Variants in ATRNL1 observed in about 807,000 individuals in gnomAD.
ATRNL1 encodes attractin-like protein 1.
A neutral mutation model predicts 182.7 loss-of-function variants in ATRNL1; 95 were observed. That is an observed-to-expected ratio of 0.52 (90% confidence interval 0.44 to 0.62). The LOEUF (loss-of-function observed/expected upper bound fraction) is 0.62. Among genes scored for constraint, ATRNL1 ranks in the 20% least tolerant of loss-of-function variants. The probability of loss-of-function intolerance (pLI) is 0.00; values close to 1 mark genes in which losing one functional copy is unlikely to be tolerated. For missense variants in ATRNL1, 1,471 were observed against 1,679.5 expected (o/e 0.88, Z 2.17); for synonymous variants, 576 against 568.3 (o/e 1.01, Z -0.19).
At chr10:115,348,714 C>A (rs541965992) in intron 19 of ATRNL1, among the ~76,000 whole-genome samples, 143 of 152,088 alleles carry the variant, frequency 9.4e-4, no homozygotes, top group South Asian at 3.5e-3. Flanking sequence ...TGTGTGGGTG[C>A]TATTATAGTG....
chr10:115,727,187 T>C, intron 26 of ATRNL1, 61 bp from the exon 27 acceptor site: 1 of 1,151,856 alleles, frequency 8.7e-7, no homozygotes, highest in African/African-American at 1.5e-5. Flanking sequence ...GAACCAGATA[T>C]TGTTGAATTT....
intron 1 of ATRNL1, among the ~76,000 whole-genome samples, chr10:115,116,987 A>G (rs577587760): frequency 8.5e-5 from 13 of 152,116 alleles, no homozygotes; most frequent in Non-Finnish European, 1.6e-4. Flanking sequence ...GTTCCTTCAC[A>G]TCACTTATAA....
intron 5 of ATRNL1, among the ~76,000 whole-genome samples, chr10:115,133,710 A>G (rs1159564608): frequency 6.6e-6 from 1 of 152,232 alleles, no homozygotes; most frequent in East Asian, 1.9e-4. Context: ...ATAGACATCT[A>G]CAGAACTCTC....
intron 11 of ATRNL1, among the ~76,000 whole-genome samples, chr10:115,266,103 A>G (rs561259335): frequency 9.8e-4 from 149 of 151,964 alleles, no homozygotes; most frequent in African/African-American, 3.4e-3. Flanking sequence ...TAAAATAATA[A>G]AAGACATTCT....
intron 1 of ATRNL1, among the ~76,000 whole-genome samples, chr10:115,113,832 A>G (rs917967558): frequency 1.2e-4 from 19 of 152,234 alleles, no homozygotes; most frequent in African/African-American, 4.3e-4. Flanking sequence ...TTCAGTTGAT[A>G]ATGTAAACAA....
chr10:115,259,902 A>G (rs1851324668), intron 10 of ATRNL1, among the ~76,000 whole-genome samples: 1 of 152,180 alleles, frequency 6.6e-6, no homozygotes, highest in Non-Finnish European at 1.5e-5. Flanking sequence ...GGATTGTAAG[A>G]GTATAATTTT....
intron 27 of ATRNL1, among the ~76,000 whole-genome samples, chr10:115,799,529 A>C (rs560345540): frequency 7.2e-5 from 11 of 152,270 alleles, no homozygotes; most frequent in African/African-American, 2.6e-4. Flanking sequence ...AACATTCACC[A>C]ATTAACGAAG....
rs200458749 is a variant in ATRNL1, at chr10:115,829,624, C to CA, written c.3904-18246dup. 6.6e-4 allele frequency among the ~76,000 whole-genome samples: 101 copies of CA among 151,904 alleles called. No individual in the cohort carries two copies. In the East Asian group the frequency reaches 0.019, roughly 29 times the overall value. The stretch of plus-strand genomic sequence containing the variant: ...CCTGAGCTAGCATATACTTTTAAGC[C>CA]AAAAAAAGATATACCCTTTTCCAAG... On this transcript the variant is annotated intron_variant, in intron 27 of 28. Transcript: ENST00000355044.
chr10:115,787,237 T>C (rs1357653001), intron 27 of ATRNL1, among the ~76,000 whole-genome samples: 1 of 152,140 alleles, frequency 6.6e-6, no homozygotes, highest in Non-Finnish European at 1.5e-5. Flanking sequence ...AGGTCATTCT[T>C]TAAGAAAAGA....
intron 26 of ATRNL1, among the ~76,000 whole-genome samples, chr10:115,713,468 T>TTGTGTGTGTGTGTGTGTTC (rs1555055240): frequency 6.6e-6 from 1 of 151,718 alleles, no homozygotes; most frequent in African/African-American, 2.4e-5. Flanking sequence ...TGTGTGTGTT[T>TTGTGTGTGTGTGTGTGTTC]GTGTGTGTGT....
At chr10:115,214,499 A>G (rs1849156562) in intron 8 of ATRNL1, among the ~76,000 whole-genome samples, 1 of 151,944 alleles carries the variant, frequency 6.6e-6, no homozygotes. Flanking sequence ...GGATATTTCT[A>G]TTTTTTATGA....
At chr10:115,512,373 TA>T (rs1850427310) in intron 24 of ATRNL1, among the ~76,000 whole-genome samples, 1 of 151,886 alleles carries the variant, frequency 6.6e-6, no homozygotes, top group South Asian at 2.1e-4. Context: ...TAATGCCACC[TA>T]ATTGAGACAC....
intron 19 of ATRNL1, among the ~76,000 whole-genome samples, chr10:115,363,999 C>G (rs1198714613): frequency 6.6e-6 from 1 of 152,106 alleles, no homozygotes; most frequent in South Asian, 2.1e-4. Flanking sequence ...CTTGGTGATG[C>G]GGGCTCTTTT....
At chr10:115,485,235 G>T (rs1848962970) in intron 24 of ATRNL1, among the ~76,000 whole-genome samples, 1 of 151,852 alleles carries the variant, frequency 6.6e-6, no homozygotes, top group East Asian at 1.9e-4. Context: ...TGAAACCATA[G>T]TAGAATTTCC....
chr10:115,276,014 A>G (rs782330572), intron 13 of ATRNL1, among the ~76,000 whole-genome samples: 3 of 152,130 alleles, frequency 2.0e-5, no homozygotes, highest in Middle Eastern at 3.4e-3. Context: ...GCCTGATCCA[A>G]CTTTATGTTT....
At chr10:115,408,064 C>T (rs535299009) in intron 20 of ATRNL1, among the ~76,000 whole-genome samples, 32 of 136,466 alleles carry the variant, frequency 2.3e-4, no homozygotes, top group African/African-American at 8.6e-4. Flanking sequence ...ACTGCAGTGG[C>T]GCAATCTCGG....
At chr10:115,346,962 T>C (rs1161784426) in intron 19 of ATRNL1, among the ~76,000 whole-genome samples, 1 of 152,180 alleles carries the variant, frequency 6.6e-6, no homozygotes, top group African/African-American at 2.4e-5. Context: ...ATCACAATGA[T>C]TATTTTTTTG....
chr10:115,635,480 A>C (rs1409326890), intron 26 of ATRNL1, among the ~76,000 whole-genome samples: 2 of 152,176 alleles, frequency 1.3e-5, no homozygotes, highest in South Asian at 4.1e-4. Flanking sequence ...GAAAAAGACA[A>C]TACAAGATTT....
chr10:115,765,300 T>G (rs2960699), intron 27 of ATRNL1, among the ~76,000 whole-genome samples: 1 of 152,270 alleles, frequency 6.6e-6, no homozygotes, highest in Middle Eastern at 3.4e-3. Flanking sequence ...GAATGAGAAT[T>G]CCTGTTGTTT....
Sources: gnomAD v4.1 joint callset for allele counts (sites outside exome capture counted in the v4.1 genomes callset) on GRCh38, gnomAD v4.1.1 for gene constraint, MANE v1.5 for transcripts, NCBI Gene and HGNC (gene_info 2026-07-23, HGNC 2026-07-21) for gene names.